CFAP52: variants seen among roughly 807,000 people sequenced by gnomAD.
The protein encoded by CFAP52 is cilia and flagella associated protein 52, also known as cilia- and flagella-associated protein 52.
Under a neutral mutation model 70.5 loss-of-function variants are expected in CFAP52, and 57 were observed. That is an observed-to-expected ratio of 0.81 (90% CI 0.65 to 1.01). The LOEUF is 1.01. Among genes scored for constraint, CFAP52 ranks in the 50% least tolerant of loss-of-function variants. The pLI, the probability that CFAP52 is intolerant of heterozygous loss-of-function variation, is 0.00. For missense variants in CFAP52, 785 were observed against 788.5 expected (o/e 1.00, Z 0.05); for synonymous variants, 267 against 292.5 (o/e 0.91, Z 0.89).
chr17:9,609,064 C>G (rs1046723055), intron 7 of CFAP52, among the ~76,000 whole-genome samples: 1 of 152,080 alleles, frequency 6.6e-6, no homozygotes, highest in Non-Finnish European at 1.5e-5. Context: ...ACCAGATACC[C>G]CACACATGTG....
chr17:9,586,984 T>C (rs1212822248), intron 3 of CFAP52, 150 bp downstream of exon 3: 1 of 946,188 alleles, frequency 1.1e-6, no homozygotes, highest in South Asian at 2.2e-5. Context: ...CTCAGCCTAG[T>C]ACCCAGTAGT....
intron 9 of CFAP52, among the ~76,000 whole-genome samples, chr17:9,629,680 T>G (rs1430542108): frequency 1.3e-5 from 2 of 151,502 alleles, no homozygotes; most frequent in Non-Finnish European, 2.9e-5. Context: ...CCAGAGTAGC[T>G]GGGATTACAG....
chr17:9,611,610 C>T (rs558452616), intron 7 of CFAP52, among the ~76,000 whole-genome samples: 10 of 152,118 alleles, frequency 6.6e-5, no homozygotes, highest in Non-Finnish European at 1.5e-4. Context: ...AGTGGTCCTC[C>T]TTGCCTAGGC....
chr17:9,629,843 G>A (rs187905793), intron 9 of CFAP52, among the ~76,000 whole-genome samples: 3 of 152,070 alleles, frequency 2.0e-5, no homozygotes, highest in East Asian at 3.9e-4. Context: ...ACCCGCCTCG[G>A]CCTCCCAAAG....
chr17:9,635,627 T>A, intron 11 of CFAP52, 71 bp downstream of exon 11: 1 of 1,590,086 alleles, frequency 6.3e-7, no homozygotes, highest in Non-Finnish European at 8.6e-7. Flanking sequence ...TTATTGAACA[T>A]GAGAGAAGAT....
At chr17:9,636,563 T>C (rs73975763) in intron 11 of CFAP52, among the ~76,000 whole-genome samples, 2,997 of 152,246 alleles carry the variant, frequency 0.02, 115 homozygotes, top group African/African-American at 0.068. Context: ...TAGAATCGGA[T>C]GCCATTCCTC....
intron 7 of CFAP52, among the ~76,000 whole-genome samples, chr17:9,611,835 C>G (rs1239507993): frequency 6.6e-6 from 1 of 152,108 alleles, no homozygotes; most frequent in Non-Finnish European, 1.5e-5. Context: ...AGCTGATGTT[C>G]CATAGATCAT....
chr17:9,582,329 A>G (rs1239586786), intron 1 of CFAP52, among the ~76,000 whole-genome samples: 5 of 152,188 alleles, frequency 3.3e-5, no homozygotes, highest in African/African-American at 1.2e-4. Context: ...ACTGTCAGCC[A>G]TCTTAATTTT....
intron 12 of CFAP52, among the ~76,000 whole-genome samples, chr17:9,640,505 C>T (rs1911005032): frequency 6.7e-6 from 1 of 148,696 alleles, no homozygotes; most frequent in Non-Finnish European, 1.5e-5. Flanking sequence ...GTTTGGTTTT[C>T]TGTTCCTGCG....
At chr17:9,626,015 A>G (rs148584020) in intron 8 of CFAP52, among the ~76,000 whole-genome samples, 4 of 152,306 alleles carry the variant, frequency 2.6e-5, no homozygotes, top group African/African-American at 9.6e-5. Flanking sequence ...AGCTACATCT[A>G]TATCTATAAA....
At chr17:9,610,362 C>G (rs1168571797) in intron 7 of CFAP52, 4 of 152,110 alleles carry the variant, frequency 2.6e-5, no homozygotes, top group Non-Finnish European at 5.9e-5. Context: ...ATCACTGTTT[C>G]CAAAATAACC....
At chr17:9,640,850 C>T (rs1911021539) in intron 12 of CFAP52, among the ~76,000 whole-genome samples, 1 of 152,026 alleles carries the variant, frequency 6.6e-6, no homozygotes, top group Admixed American at 6.6e-5. Context: ...CACCATATTG[C>T]CCAGGCTGGT....
intron 6 of CFAP52, among the ~76,000 whole-genome samples, chr17:9,603,175 T>C (rs1909346667): frequency 6.6e-6 from 1 of 152,146 alleles, no homozygotes; most frequent in Admixed American, 6.5e-5. Context: ...CCTTTGGCAC[T>C]TAAGTCACCT....
At chr17:9,594,532 A>G in intron 4 of CFAP52, 1 of 509,616 alleles carries the variant, frequency 2.0e-6, no homozygotes, top group Non-Finnish European at 3.0e-6. Context: ...TGCTGCTGAA[A>G]AGATTTTGCT....
At chr17:9,636,407 C>T (rs74982294) in intron 11 of CFAP52, among the ~76,000 whole-genome samples, 7,827 of 152,146 alleles carry the variant, frequency 0.051, 364 homozygotes, top group African/African-American at 0.12. Flanking sequence ...TCTTATGCTC[C>T]GAGCGTATCA....
chr17:9,584,618 T>A (rs559552738), intron 1 of CFAP52, among the ~76,000 whole-genome samples: 14 of 126,338 alleles, frequency 1.1e-4, no homozygotes, highest in African/African-American at 3.1e-4. Context: ...ATTTTTTTTT[T>A]AATTTATTTG....
At chr17:9,626,132 C>A (rs770818084) in intron 8 of CFAP52, among the ~76,000 whole-genome samples, 29 of 152,122 alleles carry the variant, frequency 1.9e-4, no homozygotes, top group Non-Finnish European at 3.4e-4. Context: ...CCTCTCAGAC[C>A]CTAAACTAAG....
intron 3 of CFAP52, among the ~76,000 whole-genome samples, chr17:9,590,763 T>G (rs1908710607): frequency 6.6e-6 from 1 of 152,172 alleles, no homozygotes; most frequent in Admixed American, 6.5e-5. Flanking sequence ...GCCTAAAATT[T>G]GTTTGCAGAA....
At chr17:9,619,916 G>C (rs1331451171) in intron 8 of CFAP52, among the ~76,000 whole-genome samples, 1 of 9,150 alleles carries the variant, frequency 1.1e-4, no homozygotes. Flanking sequence ...GCAAAAACTG[G>C]AAGCATTCCC....
Sources: allele counts gnomAD v4.1 joint callset (sites outside exome capture counted in the v4.1 genomes callset), GRCh38; gene constraint gnomAD v4.1.1; transcripts MANE v1.5; gene names NCBI Gene and HGNC (gene_info 2026-07-23, HGNC 2026-07-21).